TSPEAR: variants seen among roughly 807,000 people sequenced by gnomAD.
The protein encoded by TSPEAR is thrombospondin type laminin G domain and EAR repeats.
TSPEAR carries 69 observed loss-of-function variants against 71.6 expected under a neutral mutation model. That is an observed-to-expected ratio of 0.96 (90% CI 0.79 to 1.18). TSPEAR has a LOEUF of 1.18. TSPEAR is among the 50% of genes most tolerant of loss of function. The pLI is 0.00. For synonymous variants in TSPEAR, 402 were observed against 387.2 expected (o/e 1.04, Z -0.45); for missense variants, 971 against 894.9 (o/e 1.09, Z -1.09).
At chr21:44,562,905 T>C (rs2053657659) in intron 2 of TSPEAR, among the ~76,000 whole-genome samples, 1 of 152,154 alleles carries the variant, frequency 6.6e-6, no homozygotes, top group South Asian at 2.1e-4. Flanking sequence ...CAGACAGAAA[T>C]TCAAATCCAC....
chr21:44,646,994 G>A, intron 1 of TSPEAR: 1 of 1,613,714 alleles, frequency 6.2e-7, no homozygotes, highest in South Asian at 1.1e-5. Context: ...CCAGCTTGCT[G>A]CACCTCCTCC....
Position 44,504,848 on chromosome 21 carries a change from T to A in TSPEAR, c.1788A>T (p.Glu596Asp), listed in dbSNP as rs782067897. 22 of 1,607,146 alleles carry A rather than the reference T, an allele frequency of 1.4e-5. No homozygotes were observed. Among genetic ancestry groups the A allele is most frequent in the African/African-American group, 5.5e-5 (4 of 72,804 alleles). ...AGTTGGCCACCACCAGGAAATAATC[T>A]TCTCCCACCGAGAAAAACTCCCAGT... ...ALDWEFFSVG[E>D]DYFLVVANSF... Residue 596 changes from glutamate (E) to aspartate (D), a missense_variant, in exon 11 of 12, where the codon GAA becomes GAT. Coordinates refer to ENST00000323084, the MANE Select transcript of TSPEAR (RefSeq NM_144991.3).
intron 2 of TSPEAR, among the ~76,000 whole-genome samples, chr21:44,552,873 G>C (rs233242): frequency 0.19 from 29,451 of 151,900 alleles, 2,989 homozygotes; most frequent in East Asian, 0.38. Flanking sequence ...CCTCTCAGGG[G>C]TGATGTCTGT....
intron 2 of TSPEAR, chr21:44,550,290 C>G (rs1483129893): frequency 3.9e-6 from 1 of 259,440 alleles, no homozygotes; most frequent in African/African-American, 2.2e-5. Flanking sequence ...CCCAGCCCCC[C>G]AGAGCCAGGC....
chr21:44,665,417 G>C (rs1240294975), intron 1 of TSPEAR, among the ~76,000 whole-genome samples: 1 of 152,206 alleles, frequency 6.6e-6, no homozygotes, highest in Admixed American at 6.5e-5. Context: ...CCCAGGAGGG[G>C]AATACAGCCC....
Position 44,539,059 on chromosome 21 carries a change from A to G in TSPEAR, c.304-5136T>C, listed in dbSNP as rs1227148742. 4.4e-5 allele frequency: 28 copies of G among 638,384 alleles called. No individual in the cohort carries two copies. The East Asian group carries it at 7.7e-4, about 18-fold the overall frequency. 39.5% of individuals were successfully genotyped at this position (638,384 alleles called of 1,614,324 possible). The stretch of plus-strand genomic sequence containing the variant: ...AAGTCGAGGCCAAGTGACCCAGAGC[A>G]GAGAAGCTGGGAGGGAGGACAGGGG... On this transcript the variant is annotated intron_variant, in intron 2 of 11. Transcript: ENST00000323084.
At chr21:44,601,800 C>T in intron 1 of TSPEAR, 2 of 1,555,042 alleles carry the variant, frequency 1.3e-6, no homozygotes, top group Non-Finnish European at 1.7e-6. Flanking sequence ...GATTCTTTAC[C>T]CTTGACGGCT....
intron 9 of TSPEAR, among the ~76,000 whole-genome samples, chr21:44,516,855 G>A (rs2052588216): frequency 6.6e-6 from 1 of 151,926 alleles, no homozygotes; most frequent in Admixed American, 6.5e-5. Flanking sequence ...GTCCCCTCCT[G>A]GGTATGGCCC....
At chr21:44,507,830 A>C (rs1601324237) in intron 10 of TSPEAR, among the ~76,000 whole-genome samples, 1 of 152,084 alleles carries the variant, frequency 6.6e-6, no homozygotes, top group Non-Finnish European at 1.5e-5. Flanking sequence ...CACAACTGCC[A>C]CCGCCGCCCC....
chr21:44,620,973 T>A (rs1982396946), intron 1 of TSPEAR, among the ~76,000 whole-genome samples: 1 of 152,248 alleles, frequency 6.6e-6, no homozygotes, highest in Non-Finnish European at 1.5e-5. Flanking sequence ...TTCCAGCTTT[T>A]CTTTTGTTAC....
intron 1 of TSPEAR, chr21:44,591,478 C>T (rs587619493): frequency 9.3e-6 from 15 of 1,613,962 alleles, no homozygotes; most frequent in African/African-American, 5.3e-5. Flanking sequence ...GGAGGCCGTG[C>T]GGCAGCAGCT....
At chr21:44,591,378 C>T in intron 1 of TSPEAR, 3 of 1,596,640 alleles carry the variant, frequency 1.9e-6, no homozygotes, top group Middle Eastern at 1.7e-4. Flanking sequence ...CGGATCACAT[C>T]CAGGGCTGTC....
chr21:44,547,008 A>G (rs1285225998), intron 2 of TSPEAR, among the ~76,000 whole-genome samples: 1 of 152,108 alleles, frequency 6.6e-6, no homozygotes, highest in Non-Finnish European at 1.5e-5. Context: ...GTGTGTTGGT[A>G]TGCTTGATGG....
chr21:44,665,788 G>T (rs1181764520), intron 1 of TSPEAR, among the ~76,000 whole-genome samples: 1 of 152,180 alleles, frequency 6.6e-6, no homozygotes. Context: ...GGGAGTGTGT[G>T]CCGCAGAACT....
In TSPEAR at chr21:44,517,432, C is replaced by T. The variant is rs782349183; in HGVS notation, c.1566+4451G>A. On this transcript the variant is annotated intron_variant, in intron 9 of 11. Transcript: ENST00000323084. ...CACAGGGACAAGCTGGGTCATGTGA[C>T]TGGCACTAGCCAATGAGCTGTGAGG... The T allele has an allele frequency of 1.2e-4, 28 of 235,618 alleles. No homozygotes were observed. In the Admixed American group the frequency reaches 1.4e-3, roughly 11 times the overall value. 14.6% of individuals were successfully genotyped at this position (235,618 alleles called of 1,614,324 possible). A position where few individuals can be genotyped will look rare whatever the true frequency, so the allele number is the denominator to read the frequency against.
intron 2 of TSPEAR, among the ~76,000 whole-genome samples, chr21:44,545,784 G>A (rs1314927162): frequency 2.0e-5 from 3 of 152,006 alleles, no homozygotes; most frequent in Non-Finnish European, 4.4e-5. Context: ...ATTGATAACT[G>A]AATGCTTACA....
At chr21:44,618,193 T>G (rs1393580019) in intron 1 of TSPEAR, among the ~76,000 whole-genome samples, 2 of 152,166 alleles carry the variant, frequency 1.3e-5, no homozygotes, top group Admixed American at 1.3e-4. Flanking sequence ...CCCATGCTGT[T>G]GTAGTGATAG....
intron 1 of TSPEAR, among the ~76,000 whole-genome samples, chr21:44,618,205 G>A (rs1477133102): frequency 2.0e-5 from 3 of 152,182 alleles, no homozygotes; most frequent in Non-Finnish European, 4.4e-5. Context: ...TAGTGATAGT[G>A]AGTTCTCACC....
intron 1 of TSPEAR, among the ~76,000 whole-genome samples, chr21:44,707,591 G>T (rs1987999201): frequency 1.3e-5 from 2 of 152,130 alleles, no homozygotes; most frequent in South Asian, 2.1e-4. Flanking sequence ...CATGGGGGCG[G>T]AGCGGGGGAA....
Sources: allele counts gnomAD v4.1 joint callset (sites outside exome capture counted in the v4.1 genomes callset), GRCh38; gene constraint gnomAD v4.1.1; transcripts MANE v1.5; gene names NCBI Gene and HGNC (gene_info 2026-07-23, HGNC 2026-07-21).